CSMD2: variants seen among roughly 807,000 people sequenced by gnomAD.
CSMD2 encodes the protein CUB and Sushi multiple domains 2.
In CSMD2, 130 loss-of-function variants were observed where a neutral mutation model predicts 398.5. The ratio of observed to expected loss-of-function variants is 0.33; its 90% CI spans 0.28 to 0.38. The LOEUF is 0.38. Among genes scored for constraint, CSMD2 ranks in the 10% least tolerant of loss-of-function variants. The pLI is 1.00. For missense variants in CSMD2, 3,829 were observed against 4,764.9 expected, an observed-to-expected ratio of 0.80 and a Z score of 5.78; for synonymous variants, 1,828 against 1,908.5, an observed-to-expected ratio of 0.96 and a Z score of 1.10.
At chr1:33,794,620 T>C (rs1009613188) in intron 10 of CSMD2, among the ~76,000 whole-genome samples, 39 of 152,196 alleles carry the variant, frequency 2.6e-4, no homozygotes, top group African/African-American at 8.7e-4. Context: ...CTAAGAATTT[T>C]GGGCTTTGTC....
At chr1:33,581,313 G>C (rs1236815003) in intron 47 of CSMD2, among the ~76,000 whole-genome samples, 3 of 138,538 alleles carry the variant, frequency 2.2e-5, no homozygotes, top group Non-Finnish European at 4.5e-5. Flanking sequence ...CTTGAGCCCA[G>C]GAGTTTGAGA....
chr1:33,826,209 A>G (rs1337823926), intron 6 of CSMD2, among the ~76,000 whole-genome samples: 1 of 152,188 alleles, frequency 6.6e-6, no homozygotes, highest in East Asian at 1.9e-4. Context: ...AGGGTATGGT[A>G]GATCAGAATA....
At chr1:34,003,625 A>C (rs1249574880) in intron 3 of CSMD2, among the ~76,000 whole-genome samples, 1 of 152,164 alleles carries the variant, frequency 6.6e-6, no homozygotes. Flanking sequence ...GGCATGGATT[A>C]GGTTGCTCTA....
rs144854108 is a variant in CSMD2, at chr1:33,777,630, C to T, written c.1664-4879G>A. Among the ~76,000 whole-genome samples the T allele has an allele frequency of 9.8e-3, 1,498 of 152,284 alleles. 14 individuals carry two copies. The highest frequency in any genetic ancestry group is 0.015 in the Non-Finnish European group (1,045 of 68,030). On this transcript the variant is annotated intron_variant, in intron 12 of 70. Transcript: ENST00000373381. ...AATCACACATGCAATTTCCTGTTATCTGGTTTAATATAATTCCGTTTTATG... is the reference window on the plus strand; with the variant it reads ...AATCACACATGCAATTTCCTGTTATTTGGTTTAATATAATTCCGTTTTATG...
intron 13 of CSMD2, among the ~76,000 whole-genome samples, chr1:33,755,165 C>A (rs190237694): frequency 3.6e-3 from 553 of 152,174 alleles, no homozygotes; most frequent in Non-Finnish European, 6.2e-3. Flanking sequence ...GTGTATGAAT[C>A]TAGGTAAGTA....
At chr1:33,991,494 A>G (rs1407895691) in intron 3 of CSMD2, among the ~76,000 whole-genome samples, 1 of 152,198 alleles carries the variant, frequency 6.6e-6, no homozygotes, top group Non-Finnish European at 1.5e-5. Flanking sequence ...GAGAAGAGAA[A>G]TGGAACAGGT....
intron 2 of CSMD2, among the ~76,000 whole-genome samples, chr1:34,087,286 C>A (rs1657992787): frequency 6.6e-6 from 1 of 152,060 alleles, no homozygotes; most frequent in South Asian, 2.1e-4. Context: ...CCAGCAATCA[C>A]AGCCATAAAA....
At chr1:33,776,436 G>A (rs1018116383) in intron 12 of CSMD2, among the ~76,000 whole-genome samples, 1 of 152,172 alleles carries the variant, frequency 6.6e-6, no homozygotes, top group African/African-American at 2.4e-5. Context: ...AAGTGGAGGA[G>A]GTCACAGTCT....
intron 6 of CSMD2, among the ~76,000 whole-genome samples, chr1:33,837,780 G>C (rs1660454454): frequency 6.6e-6 from 1 of 152,232 alleles, no homozygotes; most frequent in African/African-American, 2.4e-5. Context: ...AGTGCTGGCT[G>C]TAACTGGTTG....
intron 5 of CSMD2, among the ~76,000 whole-genome samples, chr1:33,878,978 G>A (rs1641043919): frequency 2.0e-5 from 3 of 152,134 alleles, no homozygotes; most frequent in East Asian, 3.9e-4. Flanking sequence ...TTCTTACCGC[G>A]GTAACAATGT....
chr1:34,127,035 C>G lies in CSMD2; in HGVS notation c.188-37842G>C, dbSNP rs12087536. The stretch of plus-strand genomic sequence containing the variant: ...AGATGCAAGAGGACAGAAAAAGAAA[C>G]AGAGAGACGGAAAAGTGACAGAGAC... On this transcript the variant is annotated intron_variant, in intron 1 of 70. Coordinates refer to ENST00000373381, the MANE Select transcript of CSMD2 (RefSeq NM_001281956.2). Among the ~76,000 whole-genome samples, 212 of 152,176 alleles carry G rather than the reference C, an allele frequency of 1.4e-3. 1 individual carries two copies. Among genetic ancestry groups the G allele is most frequent in the African/African-American group, 4.9e-3 (204 of 41,544 alleles).
chr1:33,908,253 C>A (rs1643236478), intron 5 of CSMD2, among the ~76,000 whole-genome samples: 1 of 152,140 alleles, frequency 6.6e-6, no homozygotes, highest in Admixed American at 6.5e-5. Context: ...GTGAGTGGAA[C>A]AAACATTCAT....
chr1:33,800,190 G>T (rs1178346356), intron 10 of CSMD2, among the ~76,000 whole-genome samples: 1 of 152,200 alleles, frequency 6.6e-6, no homozygotes, highest in African/African-American at 2.4e-5. Context: ...TTAGCTCCAT[G>T]AAAGGAAGGG....
chr1:33,925,484 T>G (rs1644096621), intron 4 of CSMD2, among the ~76,000 whole-genome samples: 1 of 152,234 alleles, frequency 6.6e-6, no homozygotes, highest in Admixed American at 6.5e-5. Context: ...GAATGATGCT[T>G]CCAGCTTTGT....
intron 1 of CSMD2, among the ~76,000 whole-genome samples, chr1:34,138,855 T>C (rs1639007393): frequency 1.3e-5 from 2 of 152,212 alleles, no homozygotes; most frequent in Admixed American, 1.3e-4. Flanking sequence ...CATTCATATA[T>C]AACCTTGCAT....
chr1:34,094,632 T>C (rs1659059622), intron 1 of CSMD2, among the ~76,000 whole-genome samples: 1 of 152,076 alleles, frequency 6.6e-6, no homozygotes, highest in Admixed American at 6.5e-5. Context: ...AAACAGACTT[T>C]AAACCAACAA....
At chr1:33,958,094 C>A (rs1645230243) in intron 3 of CSMD2, among the ~76,000 whole-genome samples, 1 of 152,128 alleles carries the variant, frequency 6.6e-6, no homozygotes, top group Non-Finnish European at 1.5e-5. Context: ...GCAAGGCGAA[C>A]TTTGGTAGGC....
At chr1:33,874,981 A>G (rs1640737724) in intron 5 of CSMD2, among the ~76,000 whole-genome samples, 1 of 152,212 alleles carries the variant, frequency 6.6e-6, no homozygotes, top group Non-Finnish European at 1.5e-5. Context: ...CAGCCCTGGC[A>G]AGTGGGTGAG....
At chr1:33,941,567 T>G (rs1644676081) in intron 3 of CSMD2, among the ~76,000 whole-genome samples, 1 of 152,184 alleles carries the variant, frequency 6.6e-6, no homozygotes, top group Non-Finnish European at 1.5e-5. Context: ...CTGGGGGCAG[T>G]GGGCAGGATC....
Sources: allele counts gnomAD v4.1 joint callset (sites outside exome capture counted in the v4.1 genomes callset), GRCh38; gene constraint gnomAD v4.1.1; transcripts MANE v1.5; gene names NCBI Gene and HGNC (gene_info 2026-07-23, HGNC 2026-07-21).